Variants in NETO2 observed in about 807,000 individuals in gnomAD.
NETO2 encodes the protein neuropilin and tolloid-like protein 2.
NETO2 carries 28 observed loss-of-function variants against 62.5 expected under a neutral mutation model. The ratio of observed to expected loss-of-function variants is 0.45; its 90% confidence interval spans 0.33 to 0.61. The LOEUF is 0.61. Among genes scored for constraint, NETO2 ranks in the 20% least tolerant of loss-of-function variants. NETO2 has a pLI of 0.02. For missense variants in NETO2, 548 were observed against 643.2 expected (o/e 0.85, Z 1.60); for synonymous variants, 214 against 219.1 (o/e 0.98, Z 0.21).
chr16:47,143,645 T>C lies in NETO2; in HGVS notation c.-33A>G. Reference sequence around the variant, plus strand: ...AGCTGCCCGGCGCTTCGCGAAGGGCTGAGGTAGCGGCGGCGGTGGCTCGGC... The same window carrying C: ...AGCTGCCCGGCGCTTCGCGAAGGGCCGAGGTAGCGGCGGCGGTGGCTCGGC... On this transcript the variant is annotated 5_prime_UTR_variant, in exon 1 of 9. Transcript: ENST00000562435. The C allele has an allele frequency of 3.3e-6, 4 of 1,219,710 alleles. No individual in the cohort carries two copies. Among genetic ancestry groups the C allele is most frequent in the Non-Finnish European group, 4.1e-6 (4 of 977,378 alleles). 75.6% of individuals were successfully genotyped at this position (1,219,710 alleles called of 1,614,324 possible).
intron 7 of NETO2, among the ~76,000 whole-genome samples, chr16:47,102,546 A>C (rs1052997098): frequency 6.6e-6 from 1 of 151,868 alleles, no homozygotes; most frequent in African/African-American, 2.4e-5. Flanking sequence ...CCATCTGACA[A>C]AGGGCTAATA....
At chr16:47,088,372 T>C (rs574415835) in intron 7 of NETO2, among the ~76,000 whole-genome samples, 51 of 152,144 alleles carry the variant, frequency 3.4e-4, no homozygotes, top group Admixed American at 6.5e-4. Flanking sequence ...TCCCAAAGTG[T>C]TGGGATTACA....
At chr16:47,125,878 C>T (rs1596739828) in intron 4 of NETO2, among the ~76,000 whole-genome samples, 1 of 152,164 alleles carries the variant, frequency 6.6e-6, no homozygotes, top group South Asian at 2.1e-4. Context: ...GTTTACAATT[C>T]AGTGGCATTA....
At chr16:47,091,845 T>C (rs144999227) in intron 7 of NETO2, among the ~76,000 whole-genome samples, 1 of 152,188 alleles carries the variant, frequency 6.6e-6, no homozygotes, top group East Asian at 1.9e-4. Flanking sequence ...CTACTGCATT[T>C]TTATTTTTTT....
At chr16:47,097,844 G>A (rs1019302832) in intron 7 of NETO2, among the ~76,000 whole-genome samples, 3 of 152,186 alleles carry the variant, frequency 2.0e-5, no homozygotes, top group African/African-American at 7.2e-5. Flanking sequence ...AGCAATCTTT[G>A]CTATTCTGTA....
chr16:47,139,483 C>T (rs1964423053), intron 1 of NETO2, among the ~76,000 whole-genome samples: 1 of 152,166 alleles, frequency 6.6e-6, no homozygotes, highest in Non-Finnish European at 1.5e-5. Flanking sequence ...CAGTGGTAAA[C>T]ATAAAGCTTT....
At chr16:47,126,977 A>G (rs922380392) in intron 4 of NETO2, among the ~76,000 whole-genome samples, 1 of 152,256 alleles carries the variant, frequency 6.6e-6, no homozygotes, top group Non-Finnish European at 1.5e-5. Flanking sequence ...ATAAAGTTAT[A>G]TGTGTACCAT....
At chr16:47,143,476 T>G in intron 1 of NETO2, 103 bp downstream of exon 1, 1 of 1,177,688 alleles carries the variant, frequency 8.5e-7, no homozygotes, top group Non-Finnish European at 1.1e-6. Flanking sequence ...AAGAGGCGCG[T>G]CGGGTCCCGG....
intron 1 of NETO2, among the ~76,000 whole-genome samples, chr16:47,137,608 A>C (rs565938370): frequency 1.2e-4 from 18 of 152,308 alleles, no homozygotes; most frequent in African/African-American, 1.7e-4. Context: ...GAACATCTGC[A>C]CTTGCCAGGG....
At chr16:47,123,977 A>G (rs1422626273) in intron 4 of NETO2, among the ~76,000 whole-genome samples, 1 of 152,220 alleles carries the variant, frequency 6.6e-6, no homozygotes, top group Non-Finnish European at 1.5e-5. Context: ...AATTACAGGC[A>G]TGAGCCACTG....
At chr16:47,129,200 C>T in intron 3 of NETO2, 24 bp downstream of exon 3, 1 of 1,606,520 alleles carries the variant, frequency 6.2e-7, no homozygotes, top group Non-Finnish European at 8.5e-7. Context: ...AAAATTCATC[C>T]AATAAAAGAA....
At chr16:47,124,017 G>T (rs1201806747) in intron 4 of NETO2, among the ~76,000 whole-genome samples, 1 of 152,154 alleles carries the variant, frequency 6.6e-6, no homozygotes, top group East Asian at 1.9e-4. Flanking sequence ...ATTTCAATAC[G>T]CAATTTAATT....
intron 6 of NETO2, among the ~76,000 whole-genome samples, chr16:47,121,214 T>C (rs556216911): frequency 1.3e-5 from 2 of 152,326 alleles, no homozygotes; most frequent in South Asian, 4.1e-4. Flanking sequence ...ACTCAAATTC[T>C]TGGGGATCTA....
At chr16:47,107,512 T>C (rs1274048286) in intron 7 of NETO2, among the ~76,000 whole-genome samples, 2 of 152,188 alleles carry the variant, frequency 1.3e-5, no homozygotes, top group African/African-American at 4.8e-5. Context: ...TATATTAGGA[T>C]TAAACAAATT....
At chr16:47,093,294 C>G (rs964221097) in intron 7 of NETO2, among the ~76,000 whole-genome samples, 2 of 152,146 alleles carry the variant, frequency 1.3e-5, no homozygotes, top group Non-Finnish European at 2.9e-5. Flanking sequence ...AAAATAACAG[C>G]CTCAATGAAC....
intron 6 of NETO2, among the ~76,000 whole-genome samples, chr16:47,112,240 T>C (rs1179236692): frequency 6.6e-6 from 1 of 151,984 alleles, no homozygotes; most frequent in Non-Finnish European, 1.5e-5. Flanking sequence ...TATAAATGGA[T>C]ATTTTTCTTA....
intron 7 of NETO2, among the ~76,000 whole-genome samples, chr16:47,097,699 G>T (rs1193399940): frequency 6.6e-6 from 1 of 152,172 alleles, no homozygotes; most frequent in Non-Finnish European, 1.5e-5. Context: ...CTCCTCAAGT[G>T]GGTCCCTGAT....
chr16:47,117,498 T>C (rs956103692), intron 6 of NETO2, among the ~76,000 whole-genome samples: 1 of 152,208 alleles, frequency 6.6e-6, no homozygotes, highest in African/African-American at 2.4e-5. Context: ...ACACAAACGT[T>C]AGGCCCTTTG....
intron 8 of NETO2, among the ~76,000 whole-genome samples, chr16:47,084,297 A>C (rs1348094601): frequency 6.6e-6 from 1 of 152,246 alleles, no homozygotes; most frequent in African/African-American, 2.4e-5. Context: ...TCGAGTATTT[A>C]CGACAGCCAT....
Sources: gnomAD v4.1 joint callset for allele counts (sites outside exome capture counted in the v4.1 genomes callset) on GRCh38, gnomAD v4.1.1 for gene constraint, MANE v1.5 for transcripts, NCBI Gene and HGNC (gene_info 2026-07-23, HGNC 2026-07-21) for gene names.